Variants in TUT4 observed in about 807,000 individuals in gnomAD.
TUT4 encodes the protein terminal uridylyl transferase 4.
A neutral mutation model predicts 192.2 loss-of-function variants in TUT4; 36 were observed. The ratio of observed to expected loss-of-function variants is 0.19; its 90% CI spans 0.14 to 0.25. TUT4 has a LOEUF of 0.25. Ranked by LOEUF, TUT4 falls within the 10% of genes least tolerant of loss-of-function variation. The pLI, the probability that TUT4 is intolerant of heterozygous loss-of-function variation, is 1.00. For synonymous variants in TUT4, 618 were observed against 666.0 expected (o/e 0.93, Z 1.11); for missense variants, 1,493 against 1,957.2 (o/e 0.76, Z 4.47).
intron 11 of TUT4, among the ~76,000 whole-genome samples, chr1:52,478,853 G>A (rs1330504528): frequency 2.6e-5 from 4 of 152,118 alleles, no homozygotes; most frequent in Non-Finnish European, 5.9e-5. Context: ...TTTGTGCAAG[G>A]CAGTGTTCCA....
Position 52,525,649 on chromosome 1 carries a change from C to G in TUT4, c.632G>C (p.Arg211Pro), listed in dbSNP as rs368974078. The G allele has an allele frequency of 1.9e-6, 3 of 1,614,126 alleles. No homozygotes were observed. Among genetic ancestry groups the G allele is most frequent in the Non-Finnish European group, 2.5e-6 (3 of 1,180,016 alleles). Residue 211 changes from arginine to proline, a missense_variant, in exon 2 of 30, where the codon CGA (arginine) becomes CCA (proline). Transcript: ENST00000257177. ...GEKCALQNSP[R>P]SQKQQTCTDN... ...TGTACATGTCTGTTGCTTCTGAGAT[C>G]GTGGTGAGTTTTGCAGAGCACATTT...
At chr1:52,430,923 G>A in intron 28 of TUT4, 90 bp downstream of exon 28, 13 of 1,404,664 alleles carry the variant, frequency 9.3e-6, no homozygotes, top group Non-Finnish European at 1.3e-5. Context: ...CACAAATACT[G>A]CTTTCCTTCT....
intron 1 of TUT4, among the ~76,000 whole-genome samples, chr1:52,543,669 G>C (rs1687313488): frequency 6.6e-6 from 1 of 151,026 alleles, no homozygotes; most frequent in Non-Finnish European, 1.5e-5. Context: ...TTTTTAGTAG[G>C]GACAGGGTTT....
intron 4 of TUT4, among the ~76,000 whole-genome samples, chr1:52,501,473 G>A (rs766738584): frequency 1.2e-4 from 19 of 152,132 alleles, no homozygotes; most frequent in Admixed American, 9.8e-4. Flanking sequence ...GAGTTGGTGT[G>A]AATGTGGAGA....
chr1:52,540,604 T>C (rs1686335767), intron 1 of TUT4, among the ~76,000 whole-genome samples: 1 of 152,130 alleles, frequency 6.6e-6, no homozygotes, highest in African/African-American at 2.4e-5. Context: ...ATTTGTGAAG[T>C]TACTATAATT....
At chr1:52,446,745 G>C (rs1657630204) in intron 20 of TUT4, 78 bp from the exon 21 acceptor site, 1 of 1,020,274 alleles carries the variant, frequency 9.8e-7, no homozygotes, top group South Asian at 1.6e-5. Context: ...TACCATTTTA[G>C]AATTTACCTA....
chr1:52,458,186 A>C, intron 20 of TUT4, 150 bp downstream of exon 20: 1 of 527,532 alleles, frequency 1.9e-6, no homozygotes, highest in Non-Finnish European at 3.4e-6. Flanking sequence ...AAAAATATTC[A>C]TTGTTTAATT....
At chr1:52,483,727 T>G (rs1376687442) in intron 9 of TUT4, among the ~76,000 whole-genome samples, 1 of 152,062 alleles carries the variant, frequency 6.6e-6, no homozygotes, top group Admixed American at 6.5e-5. Flanking sequence ...GGAGAATCAC[T>G]TGAACCCAGG....
intron 3 of TUT4, among the ~76,000 whole-genome samples, chr1:52,513,393 C>CAAAAAAAAAAAAAAAAAAAAAAAAAAA (rs554170439): frequency 2.4e-5 from 1 of 42,116 alleles, no homozygotes; most frequent in Non-Finnish European, 4.0e-5. Flanking sequence ...GACCCTGTCT[C>CAAAAAAAAAAAAAAAAAAAAAAAAAAA]AAAAAAAAAA....
At chr1:52,470,572 G>A (rs1665468563) in intron 14 of TUT4, among the ~76,000 whole-genome samples, 1 of 151,742 alleles carries the variant, frequency 6.6e-6, no homozygotes, top group Non-Finnish European at 1.5e-5. Flanking sequence ...TCAGATACAA[G>A]AAGAAATTAA....
intron 16 of TUT4, among the ~76,000 whole-genome samples, chr1:52,464,492 G>A (rs1053470754): frequency 6.6e-6 from 1 of 152,100 alleles, no homozygotes; most frequent in South Asian, 2.1e-4. Context: ...TTGACCTCAT[G>A]ATCCGCCCAC....
rs375982153 is a variant in TUT4, at chr1:52,539,879, C to A, written c.-94+13052G>T. Among the ~76,000 whole-genome samples the A allele has an allele frequency of 6.7e-5, 10 of 149,768 alleles. No homozygotes were observed. The East Asian group carries it at 1.8e-3, about 26-fold the overall frequency. ...CAAGATTATGCCATTGCACTTTGGC[C>A]TGGGTGACAAGAGCAAGACTCCGTC... On this transcript the variant is annotated intron_variant, in intron 1 of 29. Transcript: ENST00000257177.
intron 16 of TUT4, among the ~76,000 whole-genome samples, chr1:52,464,542 C>T (rs1663555986): frequency 6.6e-6 from 1 of 152,132 alleles, no homozygotes; most frequent in Non-Finnish European, 1.5e-5. Flanking sequence ...GCATGAGCTA[C>T]CACGCCCAGC....
Position 52,525,445 on chromosome 1 carries a change from C to T in TUT4, c.718+118G>A, listed in dbSNP as rs935630731. ...TATTATTAATGTGGATGTTTTCATA[C>T]GGGAACAAAAGTGCTAAACAATTAT... On this transcript the variant is annotated intron_variant, in intron 2 of 29. Coordinates refer to ENST00000257177, the MANE Select transcript of TUT4 (RefSeq NM_001009881.3). The T allele has an allele frequency of 9.2e-6, 12 of 1,307,960 alleles. No homozygotes were observed. The African/African-American group carries it at 1.3e-4, about 15-fold the overall frequency. 81.0% of individuals were successfully genotyped at this position (1,307,960 alleles called of 1,614,324 possible).
At chr1:52,462,445 C>CA (rs1045828482) in intron 16 of TUT4, 9 of 152,980 alleles carry the variant, frequency 5.9e-5, no homozygotes, top group Non-Finnish European at 1.5e-5. Context: ...CTCAGCCTCC[C>CA]AAAGTGCTGG....
At chr1:52,516,813 A>G (rs1009999020) in intron 2 of TUT4, among the ~76,000 whole-genome samples, 1 of 152,232 alleles carries the variant, frequency 6.6e-6, no homozygotes, top group Non-Finnish European at 1.5e-5. Context: ...AGTAAACAGA[A>G]TAATTCCAAG....
At chr1:52,460,813 T>A (rs1662345656) in intron 19 of TUT4, 1 of 183,186 alleles carries the variant, frequency 5.5e-6, no homozygotes, top group South Asian at 1.9e-4. Flanking sequence ...TAAACTCAAA[T>A]ATAAGATTTC....
intron 2 of TUT4, among the ~76,000 whole-genome samples, chr1:52,522,015 A>G (rs1680419278): frequency 6.6e-6 from 1 of 152,194 alleles, no homozygotes; most frequent in Non-Finnish European, 1.5e-5. Flanking sequence ...TATTTATTTC[A>G]CTGAGAATCA....
chr1:52,463,583 G>C (rs1285532995), intron 16 of TUT4: 1 of 1,263,164 alleles, frequency 7.9e-7, no homozygotes, highest in Non-Finnish European at 1.0e-6. Context: ...CAGAAGCTGG[G>C]CCTCACCCCA....
Sources: gnomAD v4.1 joint callset for allele counts (sites outside exome capture counted in the v4.1 genomes callset) on GRCh38, gnomAD v4.1.1 for gene constraint, MANE v1.5 for transcripts, NCBI Gene and HGNC (gene_info 2026-07-23, HGNC 2026-07-21) for gene names.